CCDC7: variants seen among roughly 807,000 people sequenced by gnomAD.
The protein encoded by CCDC7 is coiled-coil domain-containing protein 7.
In CCDC7, 183 loss-of-function variants were observed where a neutral mutation model predicts 196.9. The observed-to-expected ratio is 0.93, with a 90% CI of 0.82 to 1.05. CCDC7 has a LOEUF of 1.05. CCDC7 is among the 50% of genes least tolerant of loss of function. The pLI, the probability that CCDC7 is intolerant of heterozygous loss-of-function variation, is 0.00. For missense variants in CCDC7, 1,540 were observed against 1,482.2 expected (o/e 1.04, Z -0.64); for synonymous variants, 525 against 484.6 (o/e 1.08, Z -1.10).
intron 18 of CCDC7, among the ~76,000 whole-genome samples, chr10:32,619,943 G>C (rs965932302): frequency 1.5e-5 from 1 of 67,294 alleles, no homozygotes; most frequent in Non-Finnish European, 2.4e-5. Flanking sequence ...TTTTTTTTGA[G>C]ACAGAGTCTT....
chr10:32,593,991 C>G (rs2060046377), intron 18 of CCDC7, among the ~76,000 whole-genome samples: 1 of 152,106 alleles, frequency 6.6e-6, no homozygotes, highest in Non-Finnish European at 1.5e-5. Context: ...ATGATGCCTC[C>G]AGCTTTGTTC....
At chr10:32,840,595 T>A (rs956480623) in intron 33 of CCDC7, among the ~76,000 whole-genome samples, 2 of 151,986 alleles carry the variant, frequency 1.3e-5, no homozygotes, top group East Asian at 3.9e-4. Context: ...TTGGTACCAA[T>A]CCTACTGAGG....
chr10:32,667,017 C>T (rs1591349475), intron 21 of CCDC7, among the ~76,000 whole-genome samples: 1 of 152,150 alleles, frequency 6.6e-6, no homozygotes, highest in Non-Finnish European at 1.5e-5. Context: ...TCCTATTTCT[C>T]CACATCCTCT....
At chr10:32,857,530 A>C (rs2093800287) in intron 41 of CCDC7, among the ~76,000 whole-genome samples, 1 of 152,146 alleles carries the variant, frequency 6.6e-6, no homozygotes, top group South Asian at 2.1e-4. Context: ...TGAACAACCA[A>C]CCAGTAGGTG....
In CCDC7 at chr10:32,817,118, TA is replaced by T. The variant is rs1293120822; in HGVS notation, c.3181+2667del. On this transcript the variant is annotated intron_variant, in intron 31 of 41. Transcript: ENST00000639629. ...AAATTAGACAAATGGCTAACTAGAA[TA>T]ACCAATGCAGAGAAGTCCTTAAAGG... Among the ~76,000 whole-genome samples, 9 of 151,994 alleles carry T rather than the reference TA, an allele frequency of 5.9e-5. No individual in the cohort carries two copies. In the East Asian group the frequency reaches 1.4e-3, roughly 23 times the overall value.
At chr10:32,805,209 G>A (rs1592940231) in intron 30 of CCDC7, 111 bp downstream of exon 31, 2 of 728,302 alleles carry the variant, frequency 2.7e-6, no homozygotes, top group East Asian at 5.1e-5. Flanking sequence ...CATGGGCACA[G>A]GTTCTCATGA....
intron 25 of CCDC7, among the ~76,000 whole-genome samples, chr10:32,722,005 G>T (rs1421278381): frequency 6.6e-6 from 1 of 152,112 alleles, no homozygotes; most frequent in African/African-American, 2.4e-5. Flanking sequence ...GAATCTCTGT[G>T]TGTACCCAAG....
intron 20 of CCDC7, among the ~76,000 whole-genome samples, chr10:32,639,263 T>G (rs2066260452): frequency 6.6e-6 from 1 of 152,216 alleles, no homozygotes; most frequent in Non-Finnish European, 1.5e-5. Flanking sequence ...AGTTATTTCT[T>G]GCCTTCTGCT....
At chr10:32,494,661 C>T (rs192031188) in intron 9 of CCDC7, among the ~76,000 whole-genome samples, 6 of 152,100 alleles carry the variant, frequency 3.9e-5, no homozygotes, top group Admixed American at 1.3e-4. Context: ...TTTTCTGTTC[C>T]TGTGTTAGTT....
At chr10:32,662,599 A>G (rs2071725603) in intron 20 of CCDC7, among the ~76,000 whole-genome samples, 1 of 152,138 alleles carries the variant, frequency 6.6e-6, no homozygotes, top group South Asian at 2.1e-4. Context: ...TTGTTGAGCA[A>G]CTAGAGCCAT....
At chr10:32,615,053 A>G (rs528204044) in intron 18 of CCDC7, among the ~76,000 whole-genome samples, 1 of 152,180 alleles carries the variant, frequency 6.6e-6, no homozygotes, top group Admixed American at 6.5e-5. Flanking sequence ...CTCCACATAC[A>G]CTACATTCTC....
intron 9 of CCDC7, chr10:32,513,163 T>C (rs1450275628): frequency 6.6e-6 from 1 of 152,148 alleles, no homozygotes; most frequent in African/African-American, 2.4e-5. Context: ...GAACCTGTTT[T>C]TGTTAGTAGG....
rs557077430 is a variant in CCDC7, at chr10:32,504,868, G to A, written c.872+12871G>A. Reference sequence around the variant, plus strand: ...TATTTCATATTCACTCAAGGAGAACGTATGTTCTGCTGCTGTTGGGTGGAA... The same window carrying A: ...TATTTCATATTCACTCAAGGAGAACATATGTTCTGCTGCTGTTGGGTGGAA... On this transcript the variant is annotated intron_variant, in intron 9 of 41. Transcript: ENST00000639629. Among the ~76,000 whole-genome samples the A allele has an allele frequency of 4.3e-4, 65 of 152,330 alleles. 1 individual carries two copies. The South Asian group carries it at 0.012, about 27-fold the overall frequency.
chr10:32,817,086 GA>G (rs955914315), intron 31 of CCDC7, among the ~76,000 whole-genome samples: 8 of 151,020 alleles, frequency 5.3e-5, no homozygotes, highest in Admixed American at 2.0e-4. Flanking sequence ...TAAAAACCTT[GA>G]AAAAAAAATT....
chr10:32,680,962 C>T (rs995706547), intron 21 of CCDC7, among the ~76,000 whole-genome samples: 1 of 152,158 alleles, frequency 6.6e-6, no homozygotes, highest in Admixed American at 6.5e-5. Context: ...TTGTTTTAGT[C>T]ATAGGAACTA....
At chr10:32,708,653 G>A (rs182495849) in intron 24 of CCDC7, among the ~76,000 whole-genome samples, 1 of 152,168 alleles carries the variant, frequency 6.6e-6, no homozygotes, top group Admixed American at 6.5e-5. Flanking sequence ...ATCAAAAAGT[G>A]GGCGAAGCAT....
chr10:32,850,643 A>G (rs1021562180), intron 39 of CCDC7, among the ~76,000 whole-genome samples: 3 of 152,100 alleles, frequency 2.0e-5, no homozygotes, highest in African/African-American at 7.2e-5. Flanking sequence ...GACCCCACAA[A>G]TTCTTATCCA....
intron 32 of CCDC7, among the ~76,000 whole-genome samples, chr10:32,832,942 G>A (rs2092323726): frequency 1.3e-5 from 2 of 151,960 alleles, no homozygotes; most frequent in East Asian, 1.9e-4. Context: ...GAAATGGCTG[G>A]GAGCAATAGT....
intron 18 of CCDC7, among the ~76,000 whole-genome samples, chr10:32,610,249 C>T (rs756417474): frequency 3.4e-4 from 52 of 151,872 alleles, no homozygotes; most frequent in Non-Finnish European, 3.4e-4. Context: ...GGGCTACAGG[C>T]GCCCGCCACC....
Sources: allele counts gnomAD v4.1 joint callset (sites outside exome capture counted in the v4.1 genomes callset), GRCh38; gene constraint gnomAD v4.1.1; transcripts MANE v1.5; gene names NCBI Gene and HGNC (gene_info 2026-07-23, HGNC 2026-07-21).